Variants in CDH22 observed in about 807,000 individuals in gnomAD.
CDH22 encodes the protein cadherin 22.
CDH22 carries 30 observed loss-of-function variants against 58.4 expected under a neutral mutation model. That is an observed-to-expected ratio of 0.51 (90% CI 0.38 to 0.70). The LOEUF is 0.70. Ranked by LOEUF, CDH22 falls within the 30% of genes least tolerant of loss-of-function variation. CDH22 has a pLI of 0.00. For synonymous variants in CDH22, 513 were observed against 558.2 expected (o/e 0.92, Z 1.14); for missense variants, 1,014 against 1,233.9 (o/e 0.82, Z 2.67).
chr20:46,210,281 G>A lies in CDH22; in HGVS notation c.1286+26C>T. On this transcript the variant is annotated intron_variant, in intron 7 of 11. Transcript: ENST00000537909. The surrounding 1 kb of genome is among the most constrained non-coding windows in gnomAD (Gnocchi z 4.5). The stretch of plus-strand genomic sequence containing the variant: ...GTGATGGCGGGATAGCAGGCAGCAG[G>A]CGTCGGCCCCGGGCGGGGGTCTCAC... 1.4e-6 allele frequency: 2 copies of A among 1,379,470 alleles called. No homozygotes were observed. Among genetic ancestry groups the A allele is most frequent in the Non-Finnish European group, 1.9e-6 (2 of 1,072,634 alleles). 85.5% of individuals were successfully genotyped at this position (1,379,470 alleles called of 1,614,324 possible).
At position 46,178,019 on chromosome 20, in the gene CDH22, C is replaced by T. The variant is rs148863832; in HGVS notation, c.1842G>A (p.Thr614=). 8.7e-6 allele frequency: 14 copies of T among 1,614,030 alleles called. No homozygotes were observed. The highest frequency in any genetic ancestry group is 2.7e-5 in the African/African-American group (2 of 75,022). The part of the protein sequence containing the change: ...SSGTIQSCNT[T]AFVMAASLSP... ...TGAGGGAGGCGGCCATGACAAAGGC[C>T]GTGGTGTTGCAGGACTGGATGGTGC... The change falls in exon 11 of 12, where the codon ACG becomes ACA. Residue 614 remains threonine (T), a synonymous_variant. Transcript: ENST00000537909.
intron 7 of CDH22, among the ~76,000 whole-genome samples, chr20:46,200,772 C>T (rs928183219): frequency 6.6e-6 from 1 of 152,154 alleles, no homozygotes; most frequent in Non-Finnish European, 1.5e-5. Context: ...CAGAACACAC[C>T]GGCACAGCAC....
chr20:46,264,813 A>G (rs1431423750), intron 1 of CDH22, among the ~76,000 whole-genome samples: 1 of 151,792 alleles, frequency 6.6e-6, no homozygotes, highest in African/African-American at 2.4e-5. Context: ...ATGTATGAGT[A>G]TGCACACACA....
rs567261044 is a variant in CDH22, at chr20:46,288,046, T to G, written c.-400+20209A>C. 4.6e-5 allele frequency among the ~76,000 whole-genome samples: 7 copies of G among 152,258 alleles called. No homozygotes were observed. In the South Asian group the frequency reaches 1.5e-3, roughly 32 times the overall value. The stretch of plus-strand genomic sequence containing the variant: ...CGGTAAGACCTTGAGGTGGCCCCAT[T>G]CACAGATTTGGGGAAGAGAGGGAAG... On this transcript the variant is annotated intron_variant, in intron 1 of 11. Coordinates refer to ENST00000537909, the MANE Select transcript of CDH22 (RefSeq NM_021248.3).
At chr20:46,275,358 A>G (rs559530439) in intron 1 of CDH22, among the ~76,000 whole-genome samples, 116 of 152,152 alleles carry the variant, frequency 7.6e-4, no homozygotes, top group African/African-American at 2.8e-3. Flanking sequence ...CTCCCTTGCC[A>G]TCTGACTATC....
At chr20:46,215,255 A>G (rs932269939) in intron 5 of CDH22, among the ~76,000 whole-genome samples, 4 of 152,228 alleles carry the variant, frequency 2.6e-5, no homozygotes, top group Non-Finnish European at 1.5e-5. Flanking sequence ...CAAACTGGAA[A>G]TAATGCCAGT....
Position 46,241,033 on chromosome 20 carries a change from G to A in CDH22, c.480C>T (p.Asp160=). The change falls in exon 3 of 12, where the codon GAC becomes GAT. Residue 160 remains aspartate (D), a synonymous_variant. Coordinates refer to ENST00000537909, the MANE Select transcript of CDH22 (RefSeq NM_021248.3). The surrounding 1 kb of genome is among the most constrained non-coding windows in gnomAD (Gnocchi z 5.2). Reference sequence around the variant, plus strand: ...GGAAGCGGGGCTCACTGTCATTGATGTCCTGCACCTTGATGATGAACTCCG... The same window carrying A: ...GGAAGCGGGGCTCACTGTCATTGATATCCTGCACCTTGATGATGAACTCCG... ...PESEFIIKVQ[D]INDSEPRFLH... The A allele has an allele frequency of 6.2e-7, 1 of 1,614,118 alleles. No individual in the cohort carries two copies. Among genetic ancestry groups the A allele is most frequent in the Admixed American group, 1.7e-5 (1 of 60,018 alleles).
intron 1 of CDH22, among the ~76,000 whole-genome samples, chr20:46,263,267 C>T (rs979717846): frequency 6.6e-6 from 1 of 152,130 alleles, no homozygotes; most frequent in East Asian, 1.9e-4. Flanking sequence ...TACTGCTGTA[C>T]CCCATCCCTC....
At chr20:46,193,235 G>A (rs985816269) in intron 8 of CDH22, among the ~76,000 whole-genome samples, 1 of 152,122 alleles carries the variant, frequency 6.6e-6, no homozygotes, top group Non-Finnish European at 1.5e-5. Context: ...ACTCAAGGTG[G>A]CACAGGATCC....
At chr20:46,200,005 G>C (rs528848739) in intron 7 of CDH22, among the ~76,000 whole-genome samples, 1 of 148,180 alleles carries the variant, frequency 6.7e-6, no homozygotes, top group South Asian at 2.1e-4. Context: ...ATGGAGTCTC[G>C]CACTTTCGCC....
chr20:46,228,869 C>A (rs889731084), intron 3 of CDH22, among the ~76,000 whole-genome samples: 4 of 152,194 alleles, frequency 2.6e-5, no homozygotes, highest in Admixed American at 6.5e-5. Flanking sequence ...GCTACTGCAG[C>A]AATTCTGCTA....
chr20:46,236,829 C>T (rs906550567), intron 3 of CDH22, among the ~76,000 whole-genome samples: 1 of 151,582 alleles, frequency 6.6e-6, no homozygotes, highest in Admixed American at 6.6e-5. Flanking sequence ...GTAGCTGGGA[C>T]TACAGGTGTA....
At chr20:46,259,726 T>C (rs1341607798) in intron 1 of CDH22, among the ~76,000 whole-genome samples, 1 of 151,862 alleles carries the variant, frequency 6.6e-6, no homozygotes, top group Non-Finnish European at 1.5e-5. Flanking sequence ...GGAGATGAAG[T>C]AGGAAATTAC....
intron 1 of CDH22, among the ~76,000 whole-genome samples, chr20:46,295,534 C>A (rs1011540138): frequency 6.6e-6 from 1 of 152,208 alleles, no homozygotes; most frequent in African/African-American, 2.4e-5. Context: ...ATTATCATCT[C>A]CACTTTACAG....
rs899410937 is a variant in CDH22 at position 46,174,809 on chromosome 20, G to C, written c.2184C>G (p.Ser728=). The C allele has an allele frequency of 1.3e-6, 2 of 1,485,082 alleles. No individual in the cohort carries two copies. Among genetic ancestry groups the C allele is most frequent in the East Asian group, 2.9e-5 (1 of 34,550 alleles). 92.0% of individuals were successfully genotyped at this position (1,485,082 alleles called of 1,614,324 possible). ...GCCCCTGCGGCAGCGAGTGGCGCTC[G>C]GAGGGCAGGTGGGCCTGCGGGGGGC... ...AGSPPQAHLP[S]ERHSLPQGPP... is the part of the protein sequence containing the mutation. The change falls in exon 12 of 12, where the codon TCC becomes TCG. Residue 728 remains serine (S), a synonymous_variant. Coordinates refer to ENST00000537909, the MANE Select transcript of CDH22 (RefSeq NM_021248.3). This position sits in a 1 kb window ranked among gnomAD's most constrained non-coding sequence, Gnocchi z 4.4.
chr20:46,205,791 C>T (rs1471838757), intron 7 of CDH22, among the ~76,000 whole-genome samples: 3 of 152,180 alleles, frequency 2.0e-5, no homozygotes, highest in South Asian at 2.1e-4. Flanking sequence ...AGCCTGTCTC[C>T]AAGTGCTCCC....
Position 46,186,661 on chromosome 20 carries a change from G to A in CDH22, c.1590C>T (p.Gly530=), listed in dbSNP as rs1883837. 1.4e-3 allele frequency: 2,235 copies of A among 1,613,746 alleles called. 24 individuals carry two copies. The African/African-American group carries it at 0.025, about 18-fold the overall frequency. ...ISVVDRDEPQ[G]GHRFYFRLVP... is the part of the protein sequence containing the mutation. ...CCAGGCGGAAATAGAAGCGGTGCCC[G>A]CCTTGGGGCTCGTCTCTGTCCACCA... Residue 530 remains glycine, a synonymous_variant, in exon 10 of 12, where the codon GGC becomes GGT. Coordinates refer to ENST00000537909, the MANE Select transcript of CDH22 (RefSeq NM_021248.3).
intron 1 of CDH22, among the ~76,000 whole-genome samples, chr20:46,270,537 T>C (rs2086481717): frequency 6.6e-6 from 1 of 152,208 alleles, no homozygotes. Context: ...GGCACCTTGT[T>C]CAAGCCTGAA....
At chr20:46,301,519 G>GTA (rs2086651805) in intron 1 of CDH22, among the ~76,000 whole-genome samples, 1 of 132,746 alleles carries the variant, frequency 7.5e-6, no homozygotes, top group African/African-American at 2.9e-5. Context: ...ATATATATAT[G>GTA]TATATATATG....
Sources: gnomAD v4.1 joint callset for allele counts (sites outside exome capture counted in the v4.1 genomes callset) on GRCh38, gnomAD v4.1.1 for gene constraint, Gnocchi (gnomAD v3.1) non-coding constraint, MANE v1.5 for transcripts, NCBI Gene and HGNC (gene_info 2026-07-23, HGNC 2026-07-21) for gene names.